The following COL1A2 variants were observed in gnomAD, a reference collection of about 807,000 sequenced individuals.
The protein encoded by COL1A2 is collagen type I alpha 2 chain, also known as collagen alpha-2(I) chain.
In COL1A2, 49 loss-of-function variants were observed where a neutral mutation model predicts 174.3. That is an observed-to-expected ratio of 0.28 (90% CI 0.22 to 0.36). The LOEUF is 0.36. COL1A2 is among the 10% of genes least tolerant of loss of function. The pLI is 1.00. For missense variants in COL1A2, 1,438 were observed against 1,822.7 expected (o/e 0.79, Z 3.84); for synonymous variants, 655 against 606.6 (o/e 1.08, Z -1.17).
chr7:94,395,085 C>T lies in COL1A2; in HGVS notation c.54C>T (p.Cys18=). 1 of 1,613,914 alleles carries T rather than the reference C, an allele frequency of 6.2e-7. No individual in the cohort carries two copies. The highest frequency in any genetic ancestry group is 1.1e-5 in the South Asian group (1 of 91,070). Residue 18 remains cysteine, a synonymous_variant, in exon 1 of 52, where the codon TGC becomes TGT. Coordinates refer to ENST00000297268, the MANE Select transcript of COL1A2 (RefSeq NM_000089.4). ...TGTTGCTGCTTGCAGTAACCTTATG[C>T]CTAGCAACATGCCAATGTAAGTGCC... ...RTLLLLAVTL[C]LATCQSLQEE... is the part of the protein sequence containing the mutation.
At chr7:94,421,329 C>T (rs555428127) in intron 38 of COL1A2, 7 of 532,454 alleles carry the variant, frequency 1.3e-5, no homozygotes, top group African/African-American at 3.8e-5. Flanking sequence ...TTCCTTTTGG[C>T]GTTTATTAAT....
intron 33 of COL1A2, 65 bp downstream of exon 33, chr7:94,418,617 A>G (rs1380861804): frequency 7.3e-7 from 1 of 1,370,404 alleles, no homozygotes; most frequent in East Asian, 2.3e-5. Context: ...TGAATTGAGA[A>G]GTTTTCCAAA....
At chr7:94,416,308 A>G in intron 30 of COL1A2, 97 bp from the exon 31 acceptor site, 1 of 1,064,998 alleles carries the variant, frequency 9.4e-7, no homozygotes, top group East Asian at 2.6e-5. Flanking sequence ...AATGCAAACC[A>G]GGGCTCGGAA....
chr7:94,409,907 T>A, intron 19 of COL1A2, 86 bp downstream of exon 19: 2 of 1,309,060 alleles, frequency 1.5e-6, no homozygotes, highest in Non-Finnish European at 2.2e-6. Context: ...CACTTGTAGT[T>A]TTATTATTCC....
At chr7:94,407,085 C>A (rs758332932) in intron 12 of COL1A2, among the ~76,000 whole-genome samples, 60 of 152,134 alleles carry the variant, frequency 3.9e-4, no homozygotes, top group Non-Finnish European at 6.5e-4. Flanking sequence ...TGGAGACCCC[C>A]TCATTTTGCA....
At chr7:94,419,422 GA>G in intron 33 of COL1A2, 75 bp from the exon 34 acceptor site, 7 of 1,534,184 alleles carry the variant, frequency 4.6e-6, no homozygotes, top group Non-Finnish European at 5.4e-6. Flanking sequence ...TATAAGCACA[GA>G]AAAAAAGAAT....
Position 94,427,888 on chromosome 7 carries a change from A to G in COL1A2, c.3526+3A>G. 1 of 1,614,030 alleles carries G rather than the reference A, an allele frequency of 6.2e-7. No homozygotes were observed. Among genetic ancestry groups the G allele is most frequent in the Non-Finnish European group, 8.5e-7 (1 of 1,179,978 alleles). On this transcript the variant is annotated splice_donor_region_variant and intron_variant, in intron 49 of 51. Coordinates refer to ENST00000297268, the MANE Select transcript of COL1A2 (RefSeq NM_000089.4). Reference sequence around the variant, plus strand: ...CAGCCACCCAGAGTGGAGCAGTGGTAGGTCAAGATGTCCAGACCAGACTGA... The same window carrying G: ...CAGCCACCCAGAGTGGAGCAGTGGTGGGTCAAGATGTCCAGACCAGACTGA...
rs1174883561 is a variant in COL1A2 at position 94,424,362 on chromosome 7, G to A, written c.2592G>A (p.Gln864=). 1 of 1,614,086 alleles carries A rather than the reference G, an allele frequency of 6.2e-7. No individual in the cohort carries two copies. Among genetic ancestry groups the A allele is most frequent in the Admixed American group, 1.7e-5 (1 of 60,012 alleles). The part of the protein sequence containing the change: ...TAGPPGTPGP[Q]GLLGAPGILG... ...GACCTCCTGGCACTCCAGGTCCTCA[G>A]GGTCTTCTTGGTGCTCCTGGTATTC... Residue 864 remains glutamine (Q), a synonymous_variant, in exon 41 of 52, where the codon CAG becomes CAA. Coordinates refer to ENST00000297268, the MANE Select transcript of COL1A2 (RefSeq NM_000089.4).
At chr7:94,425,721 G>C (rs764359021) in intron 43 of COL1A2, 29 bp from the exon 44 acceptor site, 7 of 1,613,802 alleles carry the variant, frequency 4.3e-6, no homozygotes, top group Non-Finnish European at 5.9e-6. Context: ...AACCCAGATT[G>C]ATGCTAAGCT....
At chr7:94,424,080 T>A in intron 40 of COL1A2, 1 of 455,906 alleles carries the variant, frequency 2.2e-6, no homozygotes, top group Non-Finnish European at 4.0e-6. Flanking sequence ...ACCCCAAGTG[T>A]CTTTATAAAT....
At chr7:94,416,293 TA>T in intron 30 of COL1A2, 111 bp from the exon 31 acceptor site, 1 of 882,616 alleles carries the variant, frequency 1.1e-6, no homozygotes, top group Non-Finnish European at 1.8e-6. Context: ...TTTAATTTGC[TA>T]ATAAATGCAA....
At chr7:94,428,608 C>T in intron 50 of COL1A2, 131 bp downstream of exon 50, 3 of 829,878 alleles carry the variant, frequency 3.6e-6, no homozygotes, top group Non-Finnish European at 5.9e-6. Flanking sequence ...TCCTGGGTTC[C>T]AATTTTGTCC....
rs749869789 is a variant in COL1A2 at position 94,413,698 on chromosome 7, A to G, written c.1566A>G (p.Pro522=). 8.2e-5 allele frequency: 133 copies of G among 1,614,088 alleles called. No individual in the cohort carries two copies. Among genetic ancestry groups the G allele is most frequent in the Non-Finnish European group, 1.0e-4 (123 of 1,180,018 alleles). Reference sequence around the variant, plus strand: ...CTGTTAAATATTTTTAGGGTGCTCCAGGTCCTGATGGAAACAATGGTGCTC... The same window carrying G: ...CTGTTAAATATTTTTAGGGTGCTCCGGGTCCTGATGGAAACAATGGTGCTC... ...HAGLAGARGA[P]GPDGNNGAQG... The change falls in exon 27 of 52, where the codon CCA becomes CCG. Residue 522 remains proline (P), a synonymous_variant. Transcript: ENST00000297268.
chr7:94,429,120 T>TTTTTC lies in COL1A2; in HGVS notation c.3712-66_3712-65insTTCTT. 3 of 1,261,256 alleles carry TTTTTC rather than the reference T, an allele frequency of 2.4e-6. No homozygotes were observed. The East Asian group carries it at 7.2e-5, about 30-fold the overall frequency. 78.1% of individuals were successfully genotyped at this position (1,261,256 alleles called of 1,614,324 possible). A position where few individuals can be genotyped will look rare whatever the true frequency, so the allele number is the denominator to read the frequency against. ...GATCTTTTTTTTTCTTTTTTTTTTT[T>TTTTTC]TTCATGTTTGACTCTTAGTATCTGA... On this transcript the variant is annotated intron_variant, in intron 50 of 51. Transcript: ENST00000297268.
intron 39 of COL1A2, among the ~76,000 whole-genome samples, chr7:94,422,214 A>T (rs1238443103): frequency 6.6e-6 from 1 of 151,936 alleles, no homozygotes; most frequent in Non-Finnish European, 1.5e-5. Flanking sequence ...AAAACAAAAA[A>T]ACGAACAGTT....
chr7:94,397,735 T>C lies in COL1A2; in HGVS notation c.71-13T>C. On this transcript the variant is annotated splice_polypyrimidine_tract_variant and intron_variant, in intron 1 of 51. Coordinates refer to ENST00000297268, the MANE Select transcript of COL1A2 (RefSeq NM_000089.4). Reference sequence around the variant, plus strand: ...AATAATTGTTTCCTACTTTTTCTTTTTTTTTTCTACAGCTTTACAAGAGGT... The same window carrying C: ...AATAATTGTTTCCTACTTTTTCTTTCTTTTTTCTACAGCTTTACAAGAGGT... 1 of 1,279,834 alleles carries C rather than the reference T, an allele frequency of 7.8e-7. No individual in the cohort carries two copies. The highest frequency in any genetic ancestry group is 1.1e-6 in the Non-Finnish European group (1 of 887,282). 79.3% of individuals were successfully genotyped at this position (1,279,834 alleles called of 1,614,324 possible).
chr7:94,400,124 T>C (rs1240817642), intron 4 of COL1A2, 72 bp from the exon 5 acceptor site: 4 of 1,399,676 alleles, frequency 2.9e-6, no homozygotes, highest in Non-Finnish European at 4.1e-6. Context: ...GAACAACTGA[T>C]CTTACCACAT....
intron 43 of COL1A2, 30 bp downstream of exon 43, chr7:94,425,693 C>T (rs1490178354): frequency 6.2e-7 from 1 of 1,614,016 alleles, no homozygotes; most frequent in Admixed American, 1.7e-5. Flanking sequence ...TTCTCTAATT[C>T]AAAAGTGATT....
intron 31 of COL1A2, 108 bp downstream of exon 31, chr7:94,416,611 G>C: frequency 1.2e-6 from 1 of 866,266 alleles, no homozygotes. Flanking sequence ...TTTATTTCCA[G>C]TTCTGTGATG....
Sources: allele counts gnomAD v4.1 joint callset (sites outside exome capture counted in the v4.1 genomes callset), GRCh38; gene constraint gnomAD v4.1.1; transcripts MANE v1.5; gene names NCBI Gene and HGNC (gene_info 2026-07-23, HGNC 2026-07-21).